HDAC9: variants seen among roughly 807,000 people sequenced by gnomAD.
HDAC9 encodes the protein MEF-2 interacting transcription repressor (MITR) protein.
In HDAC9, 41 loss-of-function variants were observed where a neutral mutation model predicts 139.4. The observed-to-expected ratio is 0.29, with a 90% CI of 0.23 to 0.38. The LOEUF (loss-of-function observed/expected upper bound fraction) is 0.38, where lower values mean the gene tolerates loss of function less well. HDAC9 is among the 10% of genes least tolerant of loss of function. The pLI, the probability that HDAC9 is intolerant of heterozygous loss-of-function variation, is 1.00. For missense variants in HDAC9, 1,147 were observed against 1,297.0 expected, an observed-to-expected ratio of 0.88 and a Z score of 1.78; for synonymous variants, 517 against 476.2, an observed-to-expected ratio of 1.09 and a Z score of -1.12.
At chr7:18,783,885 AC>A (rs1171989028) in intron 16 of HDAC9, among the ~76,000 whole-genome samples, 1 of 152,042 alleles carries the variant, frequency 6.6e-6, no homozygotes, top group African/African-American at 2.4e-5. Flanking sequence ...ACTAATAAAT[AC>A]CATGCTATCA....
At chr7:18,610,779 C>G (rs1386700333) in intron 6 of HDAC9, among the ~76,000 whole-genome samples, 1 of 152,130 alleles carries the variant, frequency 6.6e-6, no homozygotes, top group Non-Finnish European at 1.5e-5. Flanking sequence ...TTTCCCAATC[C>G]TCTATGTTTT....
At chr7:18,285,148 A>G (rs1233967074) in intron 2 of HDAC9, among the ~76,000 whole-genome samples, 1 of 152,072 alleles carries the variant, frequency 6.6e-6, no homozygotes, top group African/African-American at 2.4e-5. Context: ...TGTGGGATAA[A>G]ATTTGGGGGA....
chr7:18,756,437 A>G (rs1367975743), intron 14 of HDAC9, among the ~76,000 whole-genome samples: 1 of 152,212 alleles, frequency 6.6e-6, no homozygotes, highest in Non-Finnish European at 1.5e-5. Flanking sequence ...CTTATAAGAA[A>G]CAAGCATCAT....
intron 2 of HDAC9, among the ~76,000 whole-genome samples, chr7:18,580,891 T>C (rs918011998): frequency 6.6e-6 from 1 of 152,206 alleles, no homozygotes; most frequent in Non-Finnish European, 1.5e-5. Flanking sequence ...CCTGGTATTG[T>C]GTTACTATTA....
chr7:18,626,148 AAG>A, intron 6 of HDAC9, among the ~76,000 whole-genome samples: 2 of 152,068 alleles, frequency 1.3e-5, no homozygotes, highest in Middle Eastern at 6.8e-3. Flanking sequence ...TCCCACAAAG[AAG>A]AGAGGGGAGG....
At chr7:18,970,996 T>A (rs1270722219) in intron 24 of HDAC9, among the ~76,000 whole-genome samples, 2 of 152,172 alleles carry the variant, frequency 1.3e-5, no homozygotes, top group East Asian at 3.9e-4. Flanking sequence ...TTTTCCAAAT[T>A]GTCCATTTCC....
chr7:18,423,745 G>T (rs1789855670), intron 1 of HDAC9, among the ~76,000 whole-genome samples: 1 of 152,182 alleles, frequency 6.6e-6, no homozygotes, highest in Non-Finnish European at 1.5e-5. Flanking sequence ...GAGAGCAAAA[G>T]TAGAAAGTGC....
At chr7:18,459,759 A>T (rs1183588720) in intron 1 of HDAC9, among the ~76,000 whole-genome samples, 3 of 152,116 alleles carry the variant, frequency 2.0e-5, no homozygotes, top group Non-Finnish European at 4.4e-5. Context: ...TTCCTTATTA[A>T]AGTGAAAGGA....
chr7:18,812,177 A>G (rs1477560122), intron 17 of HDAC9, among the ~76,000 whole-genome samples: 1 of 151,944 alleles, frequency 6.6e-6, no homozygotes, highest in Non-Finnish European at 1.5e-5. Flanking sequence ...CCACAGATAC[A>G]GAACCCATGG....
intron 2 of HDAC9, among the ~76,000 whole-genome samples, chr7:18,182,889 A>C (rs1157433540): frequency 6.6e-6 from 1 of 152,226 alleles, no homozygotes; most frequent in East Asian, 1.9e-4. Flanking sequence ...GTCAGCAAGC[A>C]TCACCTTATC....
chr7:18,320,933 T>G (rs661818), intron 1 of HDAC9, among the ~76,000 whole-genome samples: 1 of 151,986 alleles, frequency 6.6e-6, no homozygotes, highest in African/African-American at 2.4e-5. Context: ...ATCTAAGTCA[T>G]GGTTTAGAGG....
At chr7:18,771,597 A>T (rs1790299524) in intron 16 of HDAC9, among the ~76,000 whole-genome samples, 1 of 152,056 alleles carries the variant, frequency 6.6e-6, no homozygotes, top group Non-Finnish European at 1.5e-5. Context: ...ATATACACAT[A>T]CATAATCAGG....
At chr7:18,520,040 T>C (rs1442084750) in intron 2 of HDAC9, among the ~76,000 whole-genome samples, 4 of 152,000 alleles carry the variant, frequency 2.6e-5, no homozygotes, top group Admixed American at 2.6e-4. Context: ...ATTTTATTGT[T>C]GTAGTAGGAG....
At chr7:18,760,147 C>T (rs1789255450) in intron 14 of HDAC9, among the ~76,000 whole-genome samples, 1 of 152,060 alleles carries the variant, frequency 6.6e-6, no homozygotes, top group Admixed American at 6.6e-5. Flanking sequence ...GCTCGAAGCC[C>T]TCTTATTTCA....
At chr7:18,909,632 A>G (rs1011152716) in intron 22 of HDAC9, among the ~76,000 whole-genome samples, 1 of 151,938 alleles carries the variant, frequency 6.6e-6, no homozygotes, top group Non-Finnish European at 1.5e-5. Context: ...TCCCAGCACT[A>G]TTTATCTATT....
chr7:18,273,844 A>G (rs1474729856), intron 2 of HDAC9, among the ~76,000 whole-genome samples: 1 of 152,220 alleles, frequency 6.6e-6, no homozygotes, highest in Non-Finnish European at 1.5e-5. Context: ...AGCAGCCAAG[A>G]CAAGGATTAG....
At chr7:18,380,286 A>G (rs1246592403) in intron 1 of HDAC9, among the ~76,000 whole-genome samples, 1 of 152,218 alleles carries the variant, frequency 6.6e-6, no homozygotes, top group Non-Finnish European at 1.5e-5. Flanking sequence ...TAAGACAAAA[A>G]AGCATTACAT....
intron 1 of HDAC9, among the ~76,000 whole-genome samples, chr7:18,124,991 AGCACT>A (rs952576977): frequency 8.6e-5 from 13 of 151,674 alleles, no homozygotes; most frequent in African/African-American, 2.9e-4. Context: ...TTTTCATCCT[AGCACT>A]GTAGAGAAAG....
chr7:18,726,590 T>A (rs1241646139), intron 12 of HDAC9, among the ~76,000 whole-genome samples: 2 of 152,080 alleles, frequency 1.3e-5, no homozygotes, highest in Non-Finnish European at 2.9e-5. Flanking sequence ...TTTTTCACAT[T>A]CGTTAGGAAA....
Sources: allele counts gnomAD v4.1 joint callset (sites outside exome capture counted in the v4.1 genomes callset), GRCh38; gene constraint gnomAD v4.1.1; transcripts MANE v1.5; gene names NCBI Gene and HGNC (gene_info 2026-07-23, HGNC 2026-07-21).